RPF2: variants seen among roughly 807,000 people sequenced by gnomAD.
The protein encoded by RPF2 is ribosome production factor 2 homolog.
RPF2 carries 21 observed loss-of-function variants against 38.9 expected under a neutral mutation model. That is an observed-to-expected ratio of 0.54 (90% CI 0.38 to 0.78). The LOEUF is 0.78. Ranked by LOEUF, RPF2 falls within the 30% of genes least tolerant of loss-of-function variation. The pLI is 0.00. For synonymous variants in RPF2, 121 were observed against 126.2 expected, an observed-to-expected ratio of 0.96 and a Z score of 0.28; for missense variants, 314 against 358.1, an observed-to-expected ratio of 0.88 and a Z score of 0.99.
chr6:111,024,195 G>A lies in RPF2; in HGVS notation c.609G>A (p.Lys203=), dbSNP rs1254843157. 7.5e-6 allele frequency: 12 copies of A among 1,595,772 alleles called. No individual in the cohort carries two copies. Among genetic ancestry groups the A allele is most frequent in the Non-Finnish European group, 1.0e-5 (12 of 1,175,462 alleles). The stretch of plus-strand genomic sequence containing the variant: ...CTATTTCCTAAAGGTTGCTGTTGAA[G>A]AAATCTGGTTGCAGAACACCACGGA... ...IYFRSYKLLL[K]KSGCRTPRIE... The change falls in exon 9 of 10, where the codon AAG becomes AAA. Residue 203 remains lysine (K), a synonymous_variant. Coordinates refer to ENST00000441448, the MANE Select transcript of RPF2 (RefSeq NM_032194.3).
intron 4 of RPF2, among the ~76,000 whole-genome samples, chr6:110,994,732 T>TACAC (rs754731328): frequency 0.014 from 1,399 of 101,860 alleles, 14 homozygotes; most frequent in Middle Eastern, 0.03. Context: ...GATGAGTATA[T>TACAC]ATACACACAC....
intron 8 of RPF2, among the ~76,000 whole-genome samples, chr6:111,017,861 C>T (rs1772156385): frequency 6.6e-6 from 1 of 151,930 alleles, no homozygotes; most frequent in African/African-American, 2.4e-5. Flanking sequence ...CCAAGGCAGG[C>T]GGCTGGGAGG....
chr6:110,987,625 A>G (rs1010880811), intron 2 of RPF2, among the ~76,000 whole-genome samples: 1 of 152,210 alleles, frequency 6.6e-6, no homozygotes, highest in African/African-American at 2.4e-5. Flanking sequence ...AAGAGGTGGC[A>G]ATGTTTATTA....
At position 111,028,074 on chromosome 6, in the gene RPF2, TTTC is replaced by T. The variant is rs1311877710; in HGVS notation, c.*2495_*2497del. The T allele has an allele frequency of 6.6e-6, 1 of 152,212 alleles. No individual in the cohort carries two copies. The highest frequency in any genetic ancestry group is 1.9e-4 in the East Asian group (1 of 5,204). 9.4% of individuals were successfully genotyped at this position (152,212 alleles called of 1,614,324 possible). A position where few individuals can be genotyped will look rare whatever the true frequency, so the allele number is the denominator to read the frequency against. ...TATTTGTTTTGTTTTAAATACCAAA[TTTC>T]TTATATTTTTTCTGGAATATTAATA... On this transcript the variant is annotated 3_prime_UTR_variant, in exon 10 of 10. Coordinates refer to ENST00000441448, the MANE Select transcript of RPF2 (RefSeq NM_032194.3).
At chr6:110,983,942 T>C (rs1195104473) in intron 1 of RPF2, among the ~76,000 whole-genome samples, 2 of 151,972 alleles carry the variant, frequency 1.3e-5, no homozygotes, top group African/African-American at 4.8e-5. Context: ...GGCAGGAGAA[T>C]GGCGTGAACC....
At chr6:110,998,576 T>A (rs1432244781) in intron 5 of RPF2, among the ~76,000 whole-genome samples, 1 of 152,106 alleles carries the variant, frequency 6.6e-6, no homozygotes. Context: ...CCAAACTAGT[T>A]TACAGCTTAT....
intron 1 of RPF2, among the ~76,000 whole-genome samples, chr6:110,982,893 T>C (rs1281226195): frequency 7.2e-5 from 11 of 152,224 alleles, no homozygotes; most frequent in Admixed American, 5.9e-4. Flanking sequence ...CACACGTTAA[T>C]TGGGAGCAGG....
At chr6:111,007,750 G>A (rs1771937413) in intron 6 of RPF2, among the ~76,000 whole-genome samples, 2 of 151,952 alleles carry the variant, frequency 1.3e-5, no homozygotes, top group Non-Finnish European at 2.9e-5. Flanking sequence ...TTTGAGACCA[G>A]CCTAACCAGC....
intron 7 of RPF2, among the ~76,000 whole-genome samples, chr6:111,010,915 G>C (rs117547978): frequency 0.032 from 4,828 of 151,980 alleles, 126 homozygotes; most frequent in South Asian, 0.084. Context: ...TTTATTTCCC[G>C]TATTAGTAAT....
intron 6 of RPF2, among the ~76,000 whole-genome samples, chr6:111,002,754 C>T (rs560207395): frequency 1.1e-4 from 16 of 151,052 alleles, no homozygotes; most frequent in Non-Finnish European, 2.4e-4. Flanking sequence ...CCTACATGTA[C>T]TCAGACTTAT....
chr6:111,009,343 T>C (rs1368804066), intron 7 of RPF2, among the ~76,000 whole-genome samples: 1 of 152,036 alleles, frequency 6.6e-6, no homozygotes, highest in Non-Finnish European at 1.5e-5. Context: ...TGTGAGCCAC[T>C]GCGCCAGGCC....
intron 6 of RPF2, among the ~76,000 whole-genome samples, chr6:111,007,511 C>T (rs962476290): frequency 8.6e-5 from 13 of 151,664 alleles, no homozygotes; most frequent in Non-Finnish European, 4.4e-5. Flanking sequence ...CCAGCCTAGG[C>T]AACACAGCGA....
chr6:111,020,269 A>G (rs9374248), intron 8 of RPF2, among the ~76,000 whole-genome samples: 31,627 of 151,810 alleles, frequency 0.21, 3,464 homozygotes, highest in South Asian at 0.37. Context: ...AGGCTGGAGT[A>G]CAGTGGCATC....
chr6:111,020,384 T>C (rs73526798), intron 8 of RPF2, among the ~76,000 whole-genome samples: 4,285 of 152,124 alleles, frequency 0.028, 196 homozygotes, highest in African/African-American at 0.098. Flanking sequence ...ACAAGGGAGA[T>C]AAAAATATAA....
chr6:111,015,660 G>A (rs970765308), intron 7 of RPF2, 94 bp from the exon 8 acceptor site: 6 of 832,986 alleles, frequency 7.2e-6, no homozygotes, highest in Non-Finnish European at 1.2e-5. Context: ...TTTTAGATAA[G>A]TATTGGAGCA....
At chr6:111,024,110 G>A in intron 8 of RPF2, 73 bp from the exon 9 acceptor site, 2 of 1,350,746 alleles carry the variant, frequency 1.5e-6, no homozygotes, top group Non-Finnish European at 2.0e-6. Context: ...TAAATCCCCT[G>A]AACAAAAAAT....
intron 4 of RPF2, among the ~76,000 whole-genome samples, chr6:110,994,595 A>C (rs1330539604): frequency 6.6e-6 from 1 of 151,986 alleles, no homozygotes; most frequent in South Asian, 2.1e-4. Context: ...CACAAAAAAA[A>C]GAAGAGTTGG....
At chr6:110,999,521 C>T (rs1337563877) in intron 5 of RPF2, among the ~76,000 whole-genome samples, 190 bp from the exon 6 acceptor site, 3 of 152,062 alleles carry the variant, frequency 2.0e-5, no homozygotes, top group African/African-American at 7.2e-5. Flanking sequence ...TATCTGAGAT[C>T]CTTTCCATGA....
chr6:111,016,467 C>G (rs1441670295), intron 8 of RPF2, among the ~76,000 whole-genome samples: 1 of 152,064 alleles, frequency 6.6e-6, no homozygotes. Context: ...CGTGGTGGCA[C>G]ATGCCTGTAG....
Sources: allele counts gnomAD v4.1 joint callset (sites outside exome capture counted in the v4.1 genomes callset), GRCh38; gene constraint gnomAD v4.1.1; transcripts MANE v1.5; gene names NCBI Gene and HGNC (gene_info 2026-07-23, HGNC 2026-07-21).